LTBP1: variants seen among roughly 807,000 people sequenced by gnomAD.
LTBP1 encodes latent-transforming growth factor beta-binding protein 1.
In LTBP1, 129 loss-of-function variants were observed where a neutral mutation model predicts 207.6. That is an observed-to-expected ratio of 0.62 (90% confidence interval 0.54 to 0.72). The LOEUF (loss-of-function observed/expected upper bound fraction) is 0.72. LTBP1 is among the 30% of genes least tolerant of loss of function. The probability of loss-of-function intolerance (pLI) is 0.00; values close to 1 mark genes in which losing one functional copy is unlikely to be tolerated. For missense variants in LTBP1, 2,281 were observed against 2,217.2 expected (o/e 1.03, Z -0.58); for synonymous variants, 963 against 833.7 (o/e 1.16, Z -2.67).
intron 3 of LTBP1, among the ~76,000 whole-genome samples, chr2:33,092,209 A>T (rs2079138029): frequency 6.6e-6 from 1 of 152,186 alleles, no homozygotes; most frequent in African/African-American, 2.4e-5. Context: ...ACACACACAC[A>T]CACACAGTTT....
In LTBP1 at chr2:33,110,138, C is replaced by T. The variant is rs148090476; in HGVS notation, c.864-444C>T. On this transcript the variant is annotated intron_variant, in intron 3 of 33. Transcript: ENST00000404816. ...GGGGTCTCACTCTTGTCATCCAGGC[C>T]GGAGTACAGTGGTGCAGTCATAGTT... Among the ~76,000 whole-genome samples the T allele has an allele frequency of 6.6e-5, 10 of 152,266 alleles. No individual in the cohort carries two copies. In the South Asian group the frequency reaches 1.0e-3, roughly 16 times the overall value.
At chr2:33,234,619 A>T (rs1239459649) in intron 9 of LTBP1, among the ~76,000 whole-genome samples, 1 of 152,256 alleles carries the variant, frequency 6.6e-6, no homozygotes, top group Non-Finnish European at 1.5e-5. Context: ...GATAGGAAGC[A>T]TCAATATCGT....
chr2:33,283,987 CT>C (rs1256331823), intron 19 of LTBP1, among the ~76,000 whole-genome samples: 1 of 152,092 alleles, frequency 6.6e-6, no homozygotes, highest in Non-Finnish European at 1.5e-5. Flanking sequence ...CTAAACTGGT[CT>C]ATCTTCACGT....
intron 24 of LTBP1, among the ~76,000 whole-genome samples, chr2:33,326,527 G>A (rs978054899): frequency 2.0e-5 from 3 of 151,910 alleles, no homozygotes; most frequent in African/African-American, 7.3e-5. Flanking sequence ...ACTGACTTCA[G>A]TCATGAGGAT....
chr2:33,167,796 G>T (rs1179814669), intron 5 of LTBP1, among the ~76,000 whole-genome samples: 1 of 152,226 alleles, frequency 6.6e-6, no homozygotes, highest in Non-Finnish European at 1.5e-5. Flanking sequence ...GATGACAGCA[G>T]CAGAGAGAGA....
At chr2:33,011,495 A>T (rs1172647053) in intron 2 of LTBP1, among the ~76,000 whole-genome samples, 1 of 152,146 alleles carries the variant, frequency 6.6e-6, no homozygotes, top group African/African-American at 2.4e-5. Flanking sequence ...AAGAAGAGGC[A>T]ATTTGGACAC....
Position 33,309,581 on chromosome 2 carries a change from G to C in LTBP1, c.3604+25G>C, listed in dbSNP as rs373950538. On this transcript the variant is annotated intron_variant, in intron 23 of 33. Transcript: ENST00000404816. ...GGTATTTCTTGCTCTTTTTTCCCCA[G>C]TCATTATTTACGTAATTCTTCAATT... 55 of 1,597,614 alleles carry C rather than the reference G, an allele frequency of 3.4e-5. No homozygotes were observed. In the African/African-American group the frequency reaches 7.0e-4, roughly 20 times the overall value.
At chr2:33,038,889 T>G (rs2076052422) in intron 3 of LTBP1, among the ~76,000 whole-genome samples, 2 of 152,192 alleles carry the variant, frequency 1.3e-5, no homozygotes, top group Non-Finnish European at 2.9e-5. Flanking sequence ...CTGGGAGATG[T>G]GTAGGATCCT....
At chr2:33,276,126 T>C (rs2093421872) in intron 18 of LTBP1, among the ~76,000 whole-genome samples, 1 of 152,054 alleles carries the variant, frequency 6.6e-6, no homozygotes, top group East Asian at 2.0e-4. Context: ...GCTCTCATTA[T>C]TTTTCACCTC....
chr2:32,997,718 G>T (rs573833295), intron 2 of LTBP1, among the ~76,000 whole-genome samples: 103 of 152,294 alleles, frequency 6.8e-4, no homozygotes, highest in African/African-American at 2.4e-3. Context: ...CCCTCAGGAC[G>T]TAGCTGGACC....
intron 5 of LTBP1, among the ~76,000 whole-genome samples, chr2:33,153,720 A>G (rs1167611266): frequency 2.0e-5 from 3 of 152,338 alleles, no homozygotes; most frequent in African/African-American, 7.2e-5. Flanking sequence ...GTAAATTCTA[A>G]GTGAATTCTG....
chr2:33,099,020 A>G (rs1393714264), intron 3 of LTBP1, among the ~76,000 whole-genome samples: 1 of 152,144 alleles, frequency 6.6e-6, no homozygotes, highest in African/African-American at 2.4e-5. Flanking sequence ...TTCTCATATA[A>G]TTTTGTACTT....
chr2:33,219,453 C>A (rs982156977), intron 8 of LTBP1, among the ~76,000 whole-genome samples: 1 of 152,102 alleles, frequency 6.6e-6, no homozygotes, highest in Admixed American at 6.5e-5. Context: ...GCCCTGAGTT[C>A]GACTCCCAGC....
At chr2:33,168,151 G>A (rs951576591) in intron 5 of LTBP1, among the ~76,000 whole-genome samples, 8 of 152,058 alleles carry the variant, frequency 5.3e-5, no homozygotes, top group South Asian at 2.1e-4. Context: ...AAGCTGAGGC[G>A]GGAGGATTGC....
intron 2 of LTBP1, among the ~76,000 whole-genome samples, chr2:32,980,763 G>A (rs776694790): frequency 8.5e-5 from 13 of 152,164 alleles, no homozygotes; most frequent in Admixed American, 6.5e-5. Flanking sequence ...TACAGGACCA[G>A]TCTGGTGTTG....
intron 9 of LTBP1, among the ~76,000 whole-genome samples, chr2:33,228,954 C>T (rs1482447227): frequency 6.6e-6 from 1 of 151,914 alleles, no homozygotes; most frequent in African/African-American, 2.4e-5. Flanking sequence ...CCACCTCAGC[C>T]TCTGAAAGTG....
intron 5 of LTBP1, among the ~76,000 whole-genome samples, chr2:33,140,917 C>A (rs1312328604): frequency 1.3e-5 from 2 of 152,126 alleles, no homozygotes; most frequent in Non-Finnish European, 2.9e-5. Flanking sequence ...GATCCACCCA[C>A]CTCAGCCTCC....
At chr2:33,343,924 T>C (rs2094665928) in intron 25 of LTBP1, among the ~76,000 whole-genome samples, 3 of 152,228 alleles carry the variant, frequency 2.0e-5, no homozygotes, top group South Asian at 4.1e-4. Context: ...CAAGACTTTA[T>C]AGATAGCAAG....
At chr2:33,315,727 G>C (rs1191547138) in intron 24 of LTBP1, among the ~76,000 whole-genome samples, 5 of 152,178 alleles carry the variant, frequency 3.3e-5, no homozygotes, top group Non-Finnish European at 7.3e-5. Flanking sequence ...CTTGAGATCA[G>C]GAGTTGAAGA....
Sources: allele counts gnomAD v4.1 joint callset (sites outside exome capture counted in the v4.1 genomes callset), GRCh38; gene constraint gnomAD v4.1.1; transcripts MANE v1.5; gene names NCBI Gene and HGNC (gene_info 2026-07-23, HGNC 2026-07-21).